RASGRF1: variants seen among roughly 807,000 people sequenced by gnomAD.
RASGRF1 encodes the protein Ras protein specific guanine nucleotide releasing factor 1.
RASGRF1 carries 40 observed loss-of-function variants against 138.7 expected under a neutral mutation model. That is an observed-to-expected ratio of 0.29 (90% CI 0.22 to 0.38). RASGRF1 has a LOEUF of 0.38. Among genes scored for constraint, RASGRF1 ranks in the 10% least tolerant of loss-of-function variants. The probability of loss-of-function intolerance (pLI) is 1.00; values close to 1 mark genes in which losing one functional copy is unlikely to be tolerated. For missense variants in RASGRF1, 1,108 were observed against 1,650.4 expected, an observed-to-expected ratio of 0.67 and a Z score of 5.69; for synonymous variants, 614 against 663.2, an observed-to-expected ratio of 0.93 and a Z score of 1.14.
At chr15:79,031,319 G>A in intron 8 of RASGRF1, 81 bp downstream of exon 8, 1 of 1,067,456 alleles carries the variant, frequency 9.4e-7, no homozygotes, top group Non-Finnish European at 1.4e-6. Flanking sequence ...GCTTTGTCAG[G>A]GGTTCAGCGA....
intron 1 of RASGRF1, among the ~76,000 whole-genome samples, chr15:79,088,173 C>T (rs1036725821): frequency 2.6e-5 from 4 of 152,182 alleles, no homozygotes; most frequent in African/African-American, 9.7e-5. Context: ...TGATTTACCC[C>T]GTTGTTGGGT....
At chr15:79,038,837 AT>A (rs2057257073) in intron 5 of RASGRF1, among the ~76,000 whole-genome samples, 1 of 151,978 alleles carries the variant, frequency 6.6e-6, no homozygotes, top group Non-Finnish European at 1.5e-5. Flanking sequence ...CATATATATT[AT>A]TTTATTGTTT....
intron 24 of RASGRF1, among the ~76,000 whole-genome samples, chr15:78,975,572 C>T (rs1437500983): frequency 6.6e-6 from 1 of 150,552 alleles, no homozygotes; most frequent in Non-Finnish European, 1.5e-5. Context: ...AGTGCAGTGG[C>T]ACAATCACAG....
At chr15:78,974,663 G>A (rs182947951) in intron 24 of RASGRF1, among the ~76,000 whole-genome samples, 1 of 152,306 alleles carries the variant, frequency 6.6e-6, no homozygotes, top group East Asian at 1.9e-4. Flanking sequence ...GCCTCATTTG[G>A]TGATAGTGTG....
rs751640171 is a variant in RASGRF1 at position 79,003,783 on chromosome 15, C to A, written c.2449+19G>T. 6.4e-7 allele frequency: 1 copy of A among 1,565,154 alleles called. No homozygotes were observed. Among genetic ancestry groups the A allele is most frequent in the South Asian group, 1.2e-5 (1 of 83,506 alleles). ...GGGCTGGGAGGCTGGGGGGCAGCTC[C>A]GACGGCATGGCCACTCACTCTGCTT... On this transcript the variant is annotated intron_variant, in intron 15 of 26. Transcript: ENST00000558480.
intron 5 of RASGRF1, among the ~76,000 whole-genome samples, chr15:79,040,326 A>G (rs952459706): frequency 6.6e-6 from 1 of 152,086 alleles, no homozygotes; most frequent in Non-Finnish European, 1.5e-5. Context: ...ACCTCTGCCT[A>G]GACTGTTGTC....
chr15:79,005,507 A>G (rs1269129702), intron 14 of RASGRF1: 1 of 985,446 alleles, frequency 1.0e-6, no homozygotes, highest in Non-Finnish European at 1.2e-6. Flanking sequence ...TCCTGGATGC[A>G]GTGAAGTCCA....
At chr15:79,070,823 A>T (rs1435356370) in intron 1 of RASGRF1, among the ~76,000 whole-genome samples, 1 of 152,146 alleles carries the variant, frequency 6.6e-6, no homozygotes, top group African/African-American at 2.4e-5. Flanking sequence ...CTTGGCTAGT[A>T]TGGGCTTGGG....
At chr15:79,016,948 G>T (rs1399073395) in intron 12 of RASGRF1, among the ~76,000 whole-genome samples, 1 of 152,150 alleles carries the variant, frequency 6.6e-6, no homozygotes, top group Non-Finnish European at 1.5e-5. Flanking sequence ...TCTGCTGTTG[G>T]CTGCTCTCCT....
chr15:79,086,593 C>G (rs1414276575), intron 1 of RASGRF1, among the ~76,000 whole-genome samples: 1 of 150,572 alleles, frequency 6.6e-6, no homozygotes, highest in Non-Finnish European at 1.5e-5. Flanking sequence ...CCCCCAGCTT[C>G]TGGGACCTCC....
At chr15:79,054,099 T>C (rs2057474894) in intron 3 of RASGRF1, among the ~76,000 whole-genome samples, 1 of 152,224 alleles carries the variant, frequency 6.6e-6, no homozygotes, top group South Asian at 2.1e-4. Context: ...AGTTGGCTCT[T>C]GCAAGCTGGC....
intron 23 of RASGRF1, among the ~76,000 whole-genome samples, chr15:78,982,776 G>A (rs1484394961): frequency 6.6e-6 from 1 of 152,138 alleles, no homozygotes; most frequent in Non-Finnish European, 1.5e-5. Flanking sequence ...GCCAAGGCGA[G>A]GCTTTTGTCT....
intron 5 of RASGRF1, among the ~76,000 whole-genome samples, chr15:79,042,179 C>T (rs2057305419): frequency 6.6e-6 from 1 of 152,244 alleles, no homozygotes; most frequent in Non-Finnish European, 1.5e-5. Context: ...GCAACATCCT[C>T]AATGAATCTG....
At chr15:79,005,644 C>T in intron 14 of RASGRF1, 1 of 991,202 alleles carries the variant, frequency 1.0e-6, no homozygotes, top group Non-Finnish European at 1.2e-6. Flanking sequence ...TGACTCACCC[C>T]AAGTAGGCCA....
chr15:79,005,751 C>A (rs1353314691), intron 14 of RASGRF1: 5 of 485,480 alleles, frequency 1.0e-5, no homozygotes, highest in Admixed American at 6.7e-5. Flanking sequence ...CCCTCCCTTC[C>A]TTCCTTCCTC....
In RASGRF1 at chr15:78,967,557, A is replaced by AAAAT. The variant is rs145518227; in HGVS notation, c.3681+4305_3681+4308dup. Among the ~76,000 whole-genome samples the AAAAT allele has an allele frequency of 3.4e-3, 516 of 152,220 alleles. 6 individuals carry two copies. Among genetic ancestry groups the AAAAT allele is most frequent in the African/African-American group, 0.012 (505 of 41,486 alleles). ...GGGTGAGATCCTGTTTCAAAAAACTAAAATAAATAAATAAATAAAAATAAG... is the reference window on the plus strand; with the variant it reads ...GGGTGAGATCCTGTTTCAAAAAACTAAAATAAATAAATAAATAAATAAAAATAAG... On this transcript the variant is annotated intron_variant, in intron 26 of 26. Coordinates refer to ENST00000558480, the MANE Select transcript of RASGRF1 (RefSeq NM_001145648.3).
chr15:78,983,793 T>C (rs1016636734), intron 23 of RASGRF1, among the ~76,000 whole-genome samples: 1 of 152,236 alleles, frequency 6.6e-6, no homozygotes, highest in African/African-American at 2.4e-5. Flanking sequence ...CCTGTGCTCC[T>C]GAGCTCTGCT....
intron 3 of RASGRF1, among the ~76,000 whole-genome samples, chr15:79,052,584 AGGT>A (rs1326584072): frequency 6.6e-6 from 1 of 152,196 alleles, no homozygotes; most frequent in African/African-American, 2.4e-5. Flanking sequence ...GCATTCATAG[AGGT>A]GGCTTGCAAT....
rs752389341 is a variant in RASGRF1, at chr15:78,973,377, C to T, written c.3538G>A (p.Asp1180Asn). The change falls in exon 25 of 27, where the codon GAC (aspartate) becomes AAC (asparagine). Residue 1180 changes from aspartate (D) to asparagine (N), a missense_variant. This residue lies in a region of RASGRF1 where 686 missense variants were observed against 976.7 expected (regional missense o/e 0.70). Transcript: ENST00000558480. The surrounding 1 kb of genome is among the most constrained non-coding windows in gnomAD (Gnocchi z 4.9). ...CVPYLGMYLT[D>N]LAFIEEGTPN... The stretch of plus-strand genomic sequence containing the variant: ...GTCCCCTCCTCGATGAAGGCCAGGT[C>T]GGTGAGGTACATCCCCAGGTAAGGG... 4 of 1,613,738 alleles carry T rather than the reference C, an allele frequency of 2.5e-6. No homozygotes were observed. Among genetic ancestry groups the T allele is most frequent in the African/African-American group, 1.3e-5 (1 of 74,896 alleles).
Sources: allele counts gnomAD v4.1 joint callset (sites outside exome capture counted in the v4.1 genomes callset), GRCh38; gene constraint gnomAD v4.1.1; regional missense constraint gnomAD v4.1.1; non-coding constraint Gnocchi (gnomAD v3.1); transcripts MANE v1.5; gene names NCBI Gene and HGNC (gene_info 2026-07-23, HGNC 2026-07-21).